Variants in EXT1 observed in about 807,000 individuals in gnomAD.
EXT1 encodes the protein exostosin glycosyltransferase 1.
Under a neutral mutation model 82.5 loss-of-function variants are expected in EXT1, and 20 were observed. The ratio of observed to expected loss-of-function variants is 0.24; its 90% CI spans 0.17 to 0.35. The LOEUF is 0.35. Ranked by LOEUF, EXT1 falls within the 10% of genes least tolerant of loss-of-function variation. The pLI is 1.00. For synonymous variants in EXT1, 348 were observed against 350.8 expected, an observed-to-expected ratio of 0.99 and a Z score of 0.09; for missense variants, 757 against 936.5, an observed-to-expected ratio of 0.81 and a Z score of 2.50.
intron 1 of EXT1, among the ~76,000 whole-genome samples, chr8:117,902,682 G>A (rs750930285): frequency 6.6e-6 from 1 of 152,140 alleles, no homozygotes; most frequent in Non-Finnish European, 1.5e-5. Flanking sequence ...ACAACCTCCA[G>A]TAACCCTGTG....
At position 117,888,087 on chromosome 8, in the gene EXT1, AAATAATAAT is replaced by A. The variant is rs543600078; in HGVS notation, c.963-50895_963-50887del. Among the ~76,000 whole-genome samples, 21 of 150,532 alleles carry A rather than the reference AAATAATAAT, an allele frequency of 1.4e-4. 3 individuals carry two copies. The highest frequency in any genetic ancestry group is 4.6e-4 in the African/African-American group (19 of 41,156). ...GCAACAAGATGAAACTCCATCTCAA[AAATAATAAT>A]AATAATAATAATTAATAATAAATAA... On this transcript the variant is annotated intron_variant, in intron 1 of 10. Transcript: ENST00000378204.
chr8:117,860,685 A>C (rs1348122033), intron 1 of EXT1, among the ~76,000 whole-genome samples: 1 of 152,158 alleles, frequency 6.6e-6, no homozygotes, highest in Non-Finnish European at 1.5e-5. Flanking sequence ...AATTGCCAAC[A>C]TTTTCAAATC....
chr8:118,010,233 G>A (rs535890415), intron 1 of EXT1, among the ~76,000 whole-genome samples: 38 of 151,924 alleles, frequency 2.5e-4, no homozygotes, highest in African/African-American at 4.3e-4. Flanking sequence ...TTAGCCGGGC[G>A]TGGTGGCGGG....
chr8:118,026,667 C>G (rs564055665), intron 1 of EXT1, among the ~76,000 whole-genome samples: 9 of 152,100 alleles, frequency 5.9e-5, no homozygotes, highest in Non-Finnish European at 1.2e-4. Context: ...CTGCTATAGT[C>G]AAATCAAGCC....
chr8:117,945,076 G>A (rs111930460), intron 1 of EXT1, among the ~76,000 whole-genome samples: 11 of 152,304 alleles, frequency 7.2e-5, no homozygotes, highest in African/African-American at 1.9e-4. Context: ...GCAGGAGAAC[G>A]GCGTGAACCC....
At chr8:117,819,879 G>T in intron 5 of EXT1, 85 bp from the exon 6 acceptor site, 5 of 1,256,030 alleles carry the variant, frequency 4.0e-6, no homozygotes, top group Non-Finnish European at 5.8e-6. Context: ...GCTGCCTCAT[G>T]CTGGAGCAAA....
intron 1 of EXT1, among the ~76,000 whole-genome samples, chr8:117,843,931 A>G (rs1267747651): frequency 1.3e-5 from 2 of 152,190 alleles, no homozygotes; most frequent in African/African-American, 4.8e-5. Flanking sequence ...TGTCTTATGA[A>G]GCCAGGTCCT....
At position 117,924,200 on chromosome 8, in the gene EXT1, G is replaced by A. The variant is rs28357290; in HGVS notation, c.963-86999C>T. Among the ~76,000 whole-genome samples, 22 of 152,310 alleles carry A rather than the reference G, an allele frequency of 1.4e-4. 2 individuals are homozygous for A. The East Asian group carries it at 4.3e-3, about 29-fold the overall frequency. ...GAAAATTCCCTTCTCTGTCCCCACT[G>A]TACTAGGGAAATATTTACTGACTGC... On this transcript the variant is annotated intron_variant, in intron 1 of 10. Transcript: ENST00000378204.
At chr8:118,013,426 C>A (rs1250421613) in intron 1 of EXT1, among the ~76,000 whole-genome samples, 2 of 152,140 alleles carry the variant, frequency 1.3e-5, no homozygotes, top group Admixed American at 6.5e-5. Context: ...CCAGGCTGGT[C>A]TCAAACTCCT....
chr8:117,832,941 G>A (rs1421648893), intron 3 of EXT1, among the ~76,000 whole-genome samples: 1 of 152,076 alleles, frequency 6.6e-6, no homozygotes, highest in Non-Finnish European at 1.5e-5. Context: ...GGTCATGTAT[G>A]GTAGCAAAAC....
At chr8:118,057,975 GA>G (rs1173695009) in intron 1 of EXT1, among the ~76,000 whole-genome samples, 2,795 of 59,444 alleles carry the variant, frequency 0.047, 72 homozygotes, top group African/African-American at 0.14. Context: ...CATCTCAAAA[GA>G]AAAAAAAAAA....
At position 117,814,847 on chromosome 8, in the gene EXT1, G is replaced by A. The variant is rs569555151; in HGVS notation, c.1633-1886C>T. 5.1e-4 allele frequency among the ~76,000 whole-genome samples: 77 copies of A among 152,250 alleles called. 1 individual carries two copies. Among genetic ancestry groups the A allele is most frequent in the African/African-American group, 1.7e-3 (70 of 41,556 alleles). Reference sequence around the variant, plus strand: ...TCCCCAAATCTGAGTACCCCTAGGAGCCAGCTCATCTGCAGGCCTCATCTC... The same window carrying A: ...TCCCCAAATCTGAGTACCCCTAGGAACCAGCTCATCTGCAGGCCTCATCTC... On this transcript the variant is annotated intron_variant, in intron 7 of 10. Coordinates refer to ENST00000378204, the MANE Select transcript of EXT1 (RefSeq NM_000127.3).
At chr8:118,054,559 T>C (rs17476847) in intron 1 of EXT1, among the ~76,000 whole-genome samples, 8,094 of 152,288 alleles carry the variant, frequency 0.053, 688 homozygotes, top group African/African-American at 0.18. Flanking sequence ...ATACATATTA[T>C]TGCTAATCCT....
At chr8:117,831,598 C>T (rs1812099446) in intron 3 of EXT1, 1 of 471,136 alleles carries the variant, frequency 2.1e-6, no homozygotes, top group Non-Finnish European at 4.4e-6. Context: ...TTTGTGCTCA[C>T]CTCTTTCTGC....
chr8:118,085,335 T>C (rs1289335347), intron 1 of EXT1, among the ~76,000 whole-genome samples: 1 of 152,210 alleles, frequency 6.6e-6, no homozygotes, highest in African/African-American at 2.4e-5. Flanking sequence ...GTTGCCATTT[T>C]GTTATTAAAG....
intron 1 of EXT1, among the ~76,000 whole-genome samples, chr8:117,935,994 T>C (rs1423310373): frequency 6.6e-6 from 1 of 152,126 alleles, no homozygotes; most frequent in Non-Finnish European, 1.5e-5. Context: ...CCTTCATCTG[T>C]AGAAGGGTGT....
intron 1 of EXT1, among the ~76,000 whole-genome samples, chr8:118,031,481 A>G (rs968497576): frequency 6.6e-6 from 1 of 151,810 alleles, no homozygotes; most frequent in Non-Finnish European, 1.5e-5. Flanking sequence ...GCTGAGATCG[A>G]GTCATTGTAC....
intron 3 of EXT1, among the ~76,000 whole-genome samples, chr8:117,832,268 G>A (rs982426801): frequency 1.3e-5 from 2 of 152,172 alleles, no homozygotes; most frequent in Admixed American, 6.5e-5. Flanking sequence ...GGCTCAGCCT[G>A]TAATCCCAGC....
At chr8:118,057,823 A>G (rs1816819224) in intron 1 of EXT1, among the ~76,000 whole-genome samples, 1 of 151,932 alleles carries the variant, frequency 6.6e-6, no homozygotes, top group African/African-American at 2.4e-5. Flanking sequence ...AAAATAAAAA[A>G]TTAGCCAGGC....
Sources: allele counts gnomAD v4.1 joint callset (sites outside exome capture counted in the v4.1 genomes callset), GRCh38; gene constraint gnomAD v4.1.1; transcripts MANE v1.5; gene names NCBI Gene and HGNC (gene_info 2026-07-23, HGNC 2026-07-21).